Variants in SMURF2 observed in about 807,000 individuals in gnomAD.
The protein encoded by SMURF2 is E3 ubiquitin-protein ligase SMURF2.
Under a neutral mutation model 109.6 loss-of-function variants are expected in SMURF2, and 48 were observed. The observed-to-expected ratio is 0.44, with a 90% CI of 0.35 to 0.56. SMURF2 has a LOEUF of 0.56. Among genes scored for constraint, SMURF2 ranks in the 20% least tolerant of loss-of-function variants. The pLI is 0.01. For synonymous variants in SMURF2, 288 were observed against 317.1 expected (o/e 0.91, Z 0.97); for missense variants, 575 against 909.0 (o/e 0.63, Z 4.72).
rs542594857 is a variant in SMURF2, at chr17:64,643,642, A to G, written c.52+18187T>C. Reference sequence around the variant, plus strand: ...ATCATTGCTAGTCCCTAGGTGCTGCACTATTCCTTGCTGGATTCCCGTAAC... The same window carrying G: ...ATCATTGCTAGTCCCTAGGTGCTGCGCTATTCCTTGCTGGATTCCCGTAAC... On this transcript the variant is annotated intron_variant, in intron 1 of 18. Transcript: ENST00000262435. 7.9e-5 allele frequency among the ~76,000 whole-genome samples: 12 copies of G among 152,310 alleles called. No individual in the cohort carries two copies. The South Asian group carries it at 2.3e-3, about 29-fold the overall frequency.
intron 1 of SMURF2, among the ~76,000 whole-genome samples, chr17:64,661,490 A>T (rs553427145): frequency 8.6e-5 from 13 of 151,624 alleles, no homozygotes; most frequent in African/African-American, 3.1e-4. Context: ...TCACGATCTC[A>T]CCTGGGCGGT....
intron 1 of SMURF2, among the ~76,000 whole-genome samples, chr17:64,622,838 T>C (rs1242697103): frequency 1.3e-5 from 2 of 152,208 alleles, no homozygotes; most frequent in African/African-American, 2.4e-5. Flanking sequence ...TAGAGAGTTA[T>C]ACTATACCTC....
intron 11 of SMURF2, 69 bp from the exon 12 acceptor site, chr17:64,561,672 G>T: frequency 8.4e-7 from 1 of 1,196,282 alleles, no homozygotes; most frequent in Non-Finnish European, 1.2e-6. Flanking sequence ...ATCTCTCCCT[G>T]CCAATCCATC....
intron 1 of SMURF2, 88 bp from the exon 2 acceptor site, chr17:64,606,728 G>T: frequency 1.0e-6 from 1 of 954,394 alleles, no homozygotes; most frequent in Non-Finnish European, 1.5e-6. Flanking sequence ...AAACAGCAGT[G>T]AATAGTTAAA....
rs542616055 is a variant in SMURF2, at chr17:64,596,035, C to CT, written c.200+2346dup. 1.5e-3 allele frequency among the ~76,000 whole-genome samples: 228 copies of CT among 148,774 alleles called. 1 individual carries two copies. Among genetic ancestry groups the CT allele is most frequent in the African/African-American group, 5.3e-3 (207 of 39,152 alleles). The stretch of plus-strand genomic sequence containing the variant: ...TTGAGGCAAGCTGCAAAATAAACCA[C>CT]TGATTTTTTTTTTTCTTAACATAAA... On this transcript the variant is annotated intron_variant, in intron 3 of 18. Coordinates refer to ENST00000262435, the MANE Select transcript of SMURF2 (RefSeq NM_022739.4).
intron 1 of SMURF2, among the ~76,000 whole-genome samples, chr17:64,621,878 AAAAT>A (rs782177558): frequency 6.9e-5 from 10 of 144,744 alleles, no homozygotes; most frequent in African/African-American, 1.8e-4. Context: ...ACTCTCTCTC[AAAAT>A]AAATAAATAA....
intron 2 of SMURF2, among the ~76,000 whole-genome samples, chr17:64,604,104 A>C (rs868960093): frequency 3.3e-5 from 5 of 152,226 alleles, no homozygotes; most frequent in South Asian, 2.1e-4. Context: ...AACCCTTAAC[A>C]GGTCAAAAAT....
intron 1 of SMURF2, among the ~76,000 whole-genome samples, chr17:64,642,034 T>A (rs1275773434): frequency 6.6e-6 from 1 of 152,230 alleles, no homozygotes; most frequent in African/African-American, 2.4e-5. Flanking sequence ...CTCAAACTCC[T>A]GAGCTCAGGC....
At chr17:64,617,306 T>C (rs1363621107) in intron 1 of SMURF2, among the ~76,000 whole-genome samples, 3 of 152,112 alleles carry the variant, frequency 2.0e-5, no homozygotes, top group African/African-American at 7.2e-5. Flanking sequence ...TCATTCATGC[T>C]GCAAAACAAA....
chr17:64,576,215 G>A (rs1555686045), intron 9 of SMURF2, among the ~76,000 whole-genome samples: 1 of 151,868 alleles, frequency 6.6e-6, no homozygotes, highest in South Asian at 2.1e-4. Context: ...AAAAAAAAGA[G>A]AGGGAGGGAG....
intron 1 of SMURF2, among the ~76,000 whole-genome samples, chr17:64,620,529 T>C (rs1308240739): frequency 6.6e-6 from 1 of 152,202 alleles, no homozygotes; most frequent in Non-Finnish European, 1.5e-5. Context: ...TTGCCTTTAT[T>C]CATAATGTTC....
chr17:64,604,156 C>A (rs564972422), intron 2 of SMURF2, among the ~76,000 whole-genome samples: 2 of 152,214 alleles, frequency 1.3e-5, no homozygotes, highest in South Asian at 2.1e-4. Context: ...AATGGACCTG[C>A]GACCTTGGCC....
At chr17:64,597,032 T>A (rs1969827662) in intron 3 of SMURF2, among the ~76,000 whole-genome samples, 1 of 152,198 alleles carries the variant, frequency 6.6e-6, no homozygotes, top group Non-Finnish European at 1.5e-5. Flanking sequence ...CCAAAAAGGT[T>A]CATATAATTA....
intron 1 of SMURF2, among the ~76,000 whole-genome samples, chr17:64,646,294 G>C (rs1456448555): frequency 6.6e-6 from 1 of 151,444 alleles, no homozygotes; most frequent in African/African-American, 2.4e-5. Context: ...TTGAACTCCT[G>C]ACCTCAAGTG....
At chr17:64,646,921 TG>T (rs1414345390) in intron 1 of SMURF2, among the ~76,000 whole-genome samples, 14 of 152,226 alleles carry the variant, frequency 9.2e-5, no homozygotes, top group African/African-American at 2.9e-4. Context: ...GTAGAAAATA[TG>T]AAAGATCAAT....
intron 13 of SMURF2, among the ~76,000 whole-genome samples, chr17:64,557,073 G>A (rs1224499311): frequency 6.6e-6 from 1 of 152,128 alleles, no homozygotes; most frequent in Non-Finnish European, 1.5e-5. Flanking sequence ...AGTAATAACT[G>A]CTAACTTCTG....
intron 1 of SMURF2, among the ~76,000 whole-genome samples, chr17:64,652,631 G>C (rs1555693599): frequency 6.6e-6 from 1 of 152,146 alleles, no homozygotes; most frequent in Non-Finnish European, 1.5e-5. Context: ...GGGATGACAG[G>C]CACCTGCCAC....
At chr17:64,564,535 T>C (rs1969273832) in intron 10 of SMURF2, among the ~76,000 whole-genome samples, 1 of 152,030 alleles carries the variant, frequency 6.6e-6, no homozygotes, top group South Asian at 2.1e-4. Flanking sequence ...AAAATTAAGG[T>C]GAGGTAAGAT....
At chr17:64,636,410 C>G (rs1003186064) in intron 1 of SMURF2, among the ~76,000 whole-genome samples, 11 of 152,072 alleles carry the variant, frequency 7.2e-5, no homozygotes, top group Non-Finnish European at 1.6e-4. Flanking sequence ...CAAGACCAGC[C>G]TGGCCAACAT....
Sources: gnomAD v4.1 joint callset for allele counts (sites outside exome capture counted in the v4.1 genomes callset) on GRCh38, gnomAD v4.1.1 for gene constraint, MANE v1.5 for transcripts, NCBI Gene and HGNC (gene_info 2026-07-23, HGNC 2026-07-21) for gene names.